CLCN7: variants seen among roughly 807,000 people sequenced by gnomAD.
The protein encoded by CLCN7 is H(+)/Cl(-) exchange transporter 7.
In CLCN7, 60 loss-of-function variants were observed where a neutral mutation model predicts 102.1. The ratio of observed to expected loss-of-function variants is 0.59; its 90% CI spans 0.48 to 0.73. The LOEUF (loss-of-function observed/expected upper bound fraction) is 0.73, where lower values mean the gene tolerates loss of function less well. CLCN7 is among the 30% of genes least tolerant of loss of function. The pLI, the probability that CLCN7 is intolerant of heterozygous loss-of-function variation, is 0.00. For synonymous variants in CLCN7, 560 were observed against 490.5 expected (o/e 1.14, Z -1.87); for missense variants, 962 against 1,125.7 (o/e 0.85, Z 2.08).
chr16:1,470,972 C>T (rs934866729), intron 1 of CLCN7, among the ~76,000 whole-genome samples: 1 of 152,238 alleles, frequency 6.6e-6, no homozygotes, highest in Non-Finnish European at 1.5e-5. Flanking sequence ...CTTTCCCTCT[C>T]AGTTCTCAAG....
intron 11 of CLCN7, 65 bp downstream of exon 11, chr16:1,455,666 C>A: frequency 6.5e-7 from 1 of 1,548,232 alleles, no homozygotes; most frequent in South Asian, 1.1e-5. Context: ...AAGGTGGACC[C>A]CATGGTGGGA....
At chr16:1,455,882 C>A in intron 10 of CLCN7, 87 bp from the exon 11 acceptor site, 3 of 1,447,576 alleles carry the variant, frequency 2.1e-6, no homozygotes, top group Non-Finnish European at 1.9e-6. Flanking sequence ...TCCAGGGAAC[C>A]CAGACCACGT....
In CLCN7 at chr16:1,474,982, C is replaced by T. The variant is rs761517019; in HGVS notation, c.-8G>A. 6.8e-7 allele frequency: 1 copy of T among 1,477,048 alleles called. No homozygotes were observed. Among genetic ancestry groups the T allele is most frequent in the Non-Finnish European group, 9.0e-7 (1 of 1,117,030 alleles). 91.5% of individuals were successfully genotyped at this position (1,477,048 alleles called of 1,614,324 possible). A position where few individuals can be genotyped will look rare whatever the true frequency, so the allele number is the denominator to read the frequency against. ...CTTAGAGACGTTGGCCATGGCCCGC[C>T]GCGGAGCGACACCGGCCGGGAAGCG... On this transcript the variant is annotated 5_prime_UTR_variant, in exon 1 of 25. Coordinates refer to ENST00000382745, the MANE Select transcript of CLCN7 (RefSeq NM_001287.6).
intron 13 of CLCN7, 77 bp downstream of exon 13, chr16:1,454,334 A>T: frequency 6.8e-7 from 1 of 1,467,820 alleles, no homozygotes; most frequent in African/African-American, 1.4e-5. Flanking sequence ...CACAGCCTCC[A>T]GTCCTCGTCT....
intron 1 of CLCN7, among the ~76,000 whole-genome samples, chr16:1,469,253 G>A (rs543563628): frequency 5.9e-5 from 9 of 152,144 alleles, no homozygotes; most frequent in African/African-American, 1.9e-4. Context: ...ATAATGTATA[G>A]AGGGGAACTA....
chr16:1,446,012 C>T lies in CLCN7; in HGVS notation c.*619G>A, dbSNP rs2142363009. 1 of 529,760 alleles carries T rather than the reference C, an allele frequency of 1.9e-6. No individual in the cohort carries two copies. The highest frequency in any genetic ancestry group is 3.5e-5 in the Admixed American group (1 of 28,406). The allele number at this position is 529,760 out of a possible 1,614,324, so 32.8% of individuals were successfully genotyped here. A position where few individuals can be genotyped will look rare whatever the true frequency, so the allele number is the denominator to read the frequency against. On this transcript the variant is annotated 3_prime_UTR_variant, in exon 25 of 25. Coordinates refer to ENST00000382745, the MANE Select transcript of CLCN7 (RefSeq NM_001287.6). ...CCCCAGTCCTCTGGGCCTGTGTACC[C>T]AAGCCGGATGCAGGCCGGGGAGTGC...
At position 1,457,229 on chromosome 16, in the gene CLCN7, C is replaced by T. The variant is rs374421457; in HGVS notation, c.822+25G>A. 3.1e-6 allele frequency: 5 copies of T among 1,606,530 alleles called. No homozygotes were observed. The highest frequency in any genetic ancestry group is 4.3e-6 in the Non-Finnish European group (5 of 1,173,292). ...TGCCCGTGCCCATGGCATCTGGAGC[C>T]CACCCACACAAGATTTCAACTCACC... On this transcript the variant is annotated intron_variant, in intron 9 of 24. Coordinates refer to ENST00000382745, the MANE Select transcript of CLCN7 (RefSeq NM_001287.6). This position sits in a 1 kb window ranked among gnomAD's most constrained non-coding sequence, Gnocchi z 5.4.
Position 1,447,014 on chromosome 16 carries a change from G to T in CLCN7, c.2323C>A (p.Arg775Ser). The T allele has an allele frequency of 6.3e-7, 1 of 1,596,662 alleles. No homozygotes were observed. The highest frequency in any genetic ancestry group is 8.5e-7 in the Non-Finnish European group (1 of 1,175,502). The stretch of plus-strand genomic sequence containing the variant: ...CCACCGCCCCCGCTCACCTGATTGC[G>T]GTTGTCCACCACCACCAGGTGCCGC... ...GLRHLVVVDN[R>S]NQVVGLVTRK... is the part of the protein sequence containing the mutation. The change falls in exon 24 of 25, where the codon CGC becomes AGC. Residue 775 changes from arginine (R) to serine (S), a missense_variant. Arg to Ser is a moderately radical substitution (Grantham distance 110). Around this residue, in one of 2 missense-constraint regions of CLCN7, gnomAD observed 799 missense variants for 988.0 expected, o/e 0.81. Coordinates refer to ENST00000382745, the MANE Select transcript of CLCN7 (RefSeq NM_001287.6).
intron 18 of CLCN7, 74 bp downstream of exon 18, chr16:1,449,202 C>T (rs1489152442): frequency 2.5e-6 from 4 of 1,574,274 alleles, no homozygotes; most frequent in Non-Finnish European, 3.4e-6. Context: ...CAGACCCTAG[C>T]CCCGCAAGGA....
In CLCN7 at chr16:1,447,529, G is replaced by T; in HGVS notation, c.2113C>A (p.Arg705Ser). ...ERSNLGLVQRRLRLKDFRDAY... is the reference protein window; with the variant it reads ...ERSNLGLVQRSLRLKDFRDAY... ...TCTCGGAAGTCCTTCAGCCTCAGGC[G>T]CCGCTGTACCAGGCCCAGGTTGGAC... The change falls in exon 23 of 25, where the codon CGC becomes AGC. Residue 705 changes from arginine to serine, a missense_variant. By Grantham distance (110) the Arg-to-Ser change is moderately radical (BLOSUM62 -1). Around this residue, in one of 2 missense-constraint regions of CLCN7, gnomAD observed 799 missense variants for 988.0 expected, o/e 0.81. Transcript: ENST00000382745. The T allele has an allele frequency of 6.4e-7, 1 of 1,555,770 alleles. No homozygotes were observed. Among genetic ancestry groups the T allele is most frequent in the Non-Finnish European group, 8.7e-7 (1 of 1,150,042 alleles).
At chr16:1,452,425 G>T (rs1447803318) in intron 15 of CLCN7, 3 of 388,266 alleles carry the variant, frequency 7.7e-6, no homozygotes, top group South Asian at 5.7e-5. Context: ...GTCCAGTTGT[G>T]GACGGAGGTT....
In CLCN7 at chr16:1,465,479, G is replaced by T. The variant is rs997328389; in HGVS notation, c.142-141C>A. ...TGGGCTAGGCCAGGCCTGCCTGCTG[G>T]GTGGGGGCAGCAGGGCTGGGACGGG... On this transcript the variant is annotated intron_variant, in intron 1 of 24. Coordinates refer to ENST00000382745, the MANE Select transcript of CLCN7 (RefSeq NM_001287.6). 8 of 767,764 alleles carry T rather than the reference G, an allele frequency of 1.0e-5. No individual in the cohort carries two copies. In the African/African-American group the frequency reaches 1.4e-4, roughly 13 times the overall value. The allele number at this position is 767,764 out of a possible 1,614,324, so 47.6% of individuals were successfully genotyped here. A position where few individuals can be genotyped will look rare whatever the true frequency, so the allele number is the denominator to read the frequency against.
intron 2 of CLCN7, 40 bp downstream of exon 2, chr16:1,465,227 A>C: frequency 1.3e-6 from 2 of 1,583,256 alleles, no homozygotes; most frequent in South Asian, 1.1e-5. Context: ...GCTAAGATGC[A>C]GCTAGCTCTG....
At chr16:1,448,899 T>C (rs776412250) in intron 19 of CLCN7, 67 bp downstream of exon 19, 10 of 1,604,760 alleles carry the variant, frequency 6.2e-6, no homozygotes, top group Non-Finnish European at 8.5e-6. Context: ...GTTTGGAGGC[T>C]CACAGGGGCC....
At chr16:1,474,348 C>A in intron 1 of CLCN7, 1 of 368,218 alleles carries the variant, frequency 2.7e-6, no homozygotes, top group Non-Finnish European at 5.5e-6. Context: ...CAGATAAAGG[C>A]GCTCAGTCAT....
intron 15 of CLCN7, chr16:1,452,440 T>A (rs561309083): frequency 2.5e-6 from 1 of 407,274 alleles, no homozygotes; most frequent in Non-Finnish European, 4.6e-6. Flanking sequence ...GAGGTTTGCA[T>A]TTCTCCTGGG....
chr16:1,448,722 C>G lies in CLCN7; in HGVS notation c.1842G>C (p.Leu614=). 1 of 1,612,666 alleles carries G rather than the reference C, an allele frequency of 6.2e-7. No homozygotes were observed. The highest frequency in any genetic ancestry group is 8.5e-7 in the Non-Finnish European group (1 of 1,179,964). The change falls in exon 20 of 25, where the codon CTG becomes CTC. Residue 614 remains leucine (L), a synonymous_variant. Transcript: ENST00000382745. The part of the protein sequence containing the change: ...MHIQLQSVPF[L]HWEAPVTSHS... ...GTGAGGTGACCGGGGCCTCCCAGTG[C>G]AGGAAGGGCACACTCTGCAGCTGAA...
chr16:1,455,486 T>C, intron 11 of CLCN7: 1 of 649,778 alleles, frequency 1.5e-6, no homozygotes, highest in South Asian at 1.8e-5. Context: ...GGGGCAGGGC[T>C]GGGTTCCCGG....
chr16:1,451,533 T>G (rs894213237), intron 16 of CLCN7, 90 bp downstream of exon 16: 2 of 1,120,106 alleles, frequency 1.8e-6, no homozygotes, highest in African/African-American at 3.1e-5. Context: ...AGCCCAGGGC[T>G]GCAACCTCAG....
Sources: allele counts gnomAD v4.1 joint callset (sites outside exome capture counted in the v4.1 genomes callset), GRCh38; gene constraint gnomAD v4.1.1; regional missense constraint gnomAD v4.1.1; non-coding constraint Gnocchi (gnomAD v3.1); transcripts MANE v1.5; gene names NCBI Gene and HGNC (gene_info 2026-07-23, HGNC 2026-07-21).